Variants in PDE1A observed in about 807,000 individuals in gnomAD.
PDE1A encodes the protein dual specificity calcium/calmodulin-dependent 3',5'-cyclic nucleotide phosphodiesterase 1A.
A neutral mutation model predicts 61.7 loss-of-function variants in PDE1A; 35 were observed. The observed-to-expected ratio is 0.57, with a 90% confidence interval of 0.43 to 0.75. The LOEUF is 0.75. PDE1A is among the 30% of genes least tolerant of loss of function. The pLI, the probability that PDE1A is intolerant of heterozygous loss-of-function variation, is 0.00. For missense variants in PDE1A, 597 were observed against 630.6 expected, an observed-to-expected ratio of 0.95 and a Z score of 0.57; for synonymous variants, 232 against 213.2, an observed-to-expected ratio of 1.09 and a Z score of -0.77.
downstream of PDE1A, among the ~76,000 whole-genome samples, chr2:182,164,636 G>A (rs562927184): frequency 6.6e-6 from 1 of 152,178 alleles, no homozygotes; most frequent in South Asian, 2.1e-4. Flanking sequence ...GGATAGAGGT[G>A]ATTCATGGGC....
chr2:182,661,774 T>C, the PDE1A span, among the ~76,000 whole-genome samples: 15 of 152,148 alleles, frequency 9.9e-5, no homozygotes, highest in Admixed American at 9.2e-4. Flanking sequence ...CTGTATAATA[T>C]AATTTTAAGA....
At chr2:182,561,171 A>C in the PDE1A span, among the ~76,000 whole-genome samples, 1 of 151,510 alleles carries the variant, frequency 6.6e-6, no homozygotes, top group Non-Finnish European at 1.5e-5. Flanking sequence ...GTTTTCTTCT[A>C]GGGTTTTTAT....
intron 1 of PDE1A, among the ~76,000 whole-genome samples, chr2:182,272,794 T>A (rs1261202448): frequency 6.6e-6 from 1 of 152,128 alleles, no homozygotes; most frequent in East Asian, 1.9e-4. Flanking sequence ...AATTGTGAAA[T>A]ATATGTATGA....
chr2:182,231,110 C>A, exon 5 of PDE1A: 1 of 1,591,188 alleles, frequency 6.3e-7, no homozygotes, highest in Middle Eastern at 1.7e-4. Flanking sequence ...GCAAATACAT[C>A]GAAAGACCAT....
At chr2:182,591,929 G>A in the PDE1A span, among the ~76,000 whole-genome samples, 3 of 152,172 alleles carry the variant, frequency 2.0e-5, no homozygotes, top group African/African-American at 7.2e-5. Context: ...ACCTACCAGT[G>A]CTCATCAGAA....
chr2:182,156,568 G>A (rs1691093140), intron 13 of PDE1A, among the ~76,000 whole-genome samples: 1 of 152,204 alleles, frequency 6.6e-6, no homozygotes, highest in African/African-American at 2.4e-5. Context: ...GAAATGTGGA[G>A]TAAACATGAC....
At chr2:182,235,874 T>G (rs1574102367) in intron 3 of PDE1A, among the ~76,000 whole-genome samples, 1 of 152,212 alleles carries the variant, frequency 6.6e-6, no homozygotes, top group Non-Finnish European at 1.5e-5. Flanking sequence ...AATTTTTTGA[T>G]TCAATGTTCC....
the PDE1A span, among the ~76,000 whole-genome samples, chr2:182,696,139 T>G: frequency 6.6e-6 from 1 of 152,230 alleles, no homozygotes; most frequent in East Asian, 1.9e-4. Flanking sequence ...TGAAAACTTA[T>G]GTCCGCACAA....
At chr2:182,691,206 G>A in the PDE1A span, among the ~76,000 whole-genome samples, 1 of 152,086 alleles carries the variant, frequency 6.6e-6, no homozygotes, top group Admixed American at 6.6e-5. Context: ...GACCAAAAAA[G>A]AGCCCACATC....
exon 1 of PDE1A, chr2:182,426,919 T>G: frequency 8.7e-7 from 1 of 1,155,592 alleles, no homozygotes; most frequent in Non-Finnish European, 1.1e-6. Context: ...CACGGGACCC[T>G]CCGAAACAGA....
At chr2:182,174,241 A>G (rs955009631) in intron 13 of PDE1A, among the ~76,000 whole-genome samples, 18 of 152,062 alleles carry the variant, frequency 1.2e-4, no homozygotes, top group South Asian at 2.1e-4. Context: ...AGCCTCTCTA[A>G]GTGTCCACAG....
downstream of PDE1A, chr2:182,146,973 T>C (rs1372181682): frequency 7.7e-6 from 5 of 648,126 alleles, no homozygotes; most frequent in Non-Finnish European, 1.3e-5. Flanking sequence ...ATTTCATCCA[T>C]AATGGTATTC....
chr2:182,230,026 T>A, exon 6 of PDE1A: 2 of 1,612,610 alleles, frequency 1.2e-6, no homozygotes, highest in South Asian at 2.2e-5. Context: ...GTATGAAGCA[T>A]TATGTAATGC....
intron 2 of PDE1A, among the ~76,000 whole-genome samples, chr2:182,471,862 C>T (rs1295914447): frequency 6.6e-6 from 1 of 151,662 alleles, no homozygotes; most frequent in Admixed American, 6.6e-5. Flanking sequence ...AACTCAACAA[C>T]AAAAAATTCC....
intron 2 of PDE1A, among the ~76,000 whole-genome samples, chr2:182,444,375 C>A (rs1471528196): frequency 6.6e-6 from 1 of 152,070 alleles, no homozygotes; most frequent in Non-Finnish European, 1.5e-5. Flanking sequence ...AGTTTCAAAT[C>A]ATCAGTAGCA....
At chr2:182,145,715 C>T (rs1427996079), downstream of PDE1A, among the ~76,000 whole-genome samples, 2 of 151,958 alleles carry the variant, frequency 1.3e-5, no homozygotes, top group Non-Finnish European at 2.9e-5. Flanking sequence ...GGCAACAGAG[C>T]GAGACTCGGT....
At chr2:182,413,324 A>C (rs913790708) in intron 1 of PDE1A, among the ~76,000 whole-genome samples, 2 of 152,222 alleles carry the variant, frequency 1.3e-5, no homozygotes, top group African/African-American at 4.8e-5. Context: ...ACTGTGGAAG[A>C]GGGGCTGAAG....
intron 2 of PDE1A, among the ~76,000 whole-genome samples, chr2:182,253,464 T>G (rs1691552037): frequency 6.6e-6 from 1 of 152,190 alleles, no homozygotes; most frequent in Admixed American, 6.5e-5. Context: ...GTATTCACTG[T>G]AAGTATCAGA....
At chr2:182,359,942 C>T (rs897504416) in intron 1 of PDE1A, among the ~76,000 whole-genome samples, 2 of 152,060 alleles carry the variant, frequency 1.3e-5, no homozygotes, top group African/African-American at 4.8e-5. Flanking sequence ...ACAGTTCAAA[C>T]CTGCAATTTC....
Sources: gnomAD v4.1 joint callset for allele counts (sites outside exome capture counted in the v4.1 genomes callset) on GRCh38, gnomAD v4.1.1 for gene constraint, MANE v1.5 for transcripts, NCBI Gene and HGNC (gene_info 2026-07-23, HGNC 2026-07-21) for gene names.